Variants in NUP205 observed in about 807,000 individuals in gnomAD.
The protein encoded by NUP205 is nuclear pore complex protein Nup205.
A neutral mutation model predicts 253.8 loss-of-function variants in NUP205; 76 were observed. The observed-to-expected ratio is 0.30, with a 90% CI of 0.25 to 0.36. The LOEUF (loss-of-function observed/expected upper bound fraction) is 0.36, where lower values mean the gene tolerates loss of function less well. NUP205 is among the 10% of genes least tolerant of loss of function. The pLI is 1.00. For missense variants in NUP205, 2,162 were observed against 2,425.5 expected, an observed-to-expected ratio of 0.89 and a Z score of 2.28; for synonymous variants, 832 against 850.1, an observed-to-expected ratio of 0.98 and a Z score of 0.37.
At position 135,616,651 on chromosome 7, in the gene NUP205, A is replaced by G. The variant is rs753599099; in HGVS notation, c.3461-4A>G. 5.2e-6 allele frequency: 8 copies of G among 1,527,734 alleles called. No homozygotes were observed. The highest frequency in any genetic ancestry group is 6.2e-6 in the Non-Finnish European group (7 of 1,135,504). 94.6% of individuals were successfully genotyped at this position (1,527,734 alleles called of 1,614,324 possible). On this transcript the variant is annotated splice_region_variant and splice_polypyrimidine_tract_variant and intron_variant, in intron 24 of 42. Transcript: ENST00000285968. The stretch of plus-strand genomic sequence containing the variant: ...CTGATTCAATATTATTGATATTCCA[A>G]CAGATGGTGAAGGAGGAATAGAAGA...
chr7:135,644,768 A>G, intron 39 of NUP205, 127 bp from the exon 40 acceptor site: 1 of 885,318 alleles, frequency 1.1e-6, no homozygotes. Context: ...AAAAACTCTT[A>G]TCTGCAAGGA....
chr7:135,570,760 A>ATATTAATATAATATATAT (rs1469050428), intron 1 of NUP205, among the ~76,000 whole-genome samples: 3 of 89,820 alleles, frequency 3.3e-5, no homozygotes, highest in African/African-American at 1.3e-4. Flanking sequence ...TTATATTTAT[A>ATATTAATATAATATATAT]TATTATATTA....
intron 22 of NUP205, among the ~76,000 whole-genome samples, chr7:135,608,315 C>T (rs1033202333): frequency 1.1e-4 from 16 of 152,112 alleles, no homozygotes; most frequent in South Asian, 1.0e-3. Flanking sequence ...TGAGCCACCG[C>T]GCCTGGCCAG....
At chr7:135,564,387 C>T (rs887274525) in intron 1 of NUP205, among the ~76,000 whole-genome samples, 6 of 151,200 alleles carry the variant, frequency 4.0e-5, no homozygotes, top group East Asian at 2.0e-4. Context: ...ACTGGGATTA[C>T]AGGTGTTAGC....
In NUP205 at chr7:135,638,553, A is replaced by G; in HGVS notation, c.5266-4A>G. 1 of 1,611,746 alleles carries G rather than the reference A, an allele frequency of 6.2e-7. No individual in the cohort carries two copies. The highest frequency in any genetic ancestry group is 2.2e-5 in the East Asian group (1 of 44,860). On this transcript the variant is annotated splice_region_variant and splice_polypyrimidine_tract_variant and intron_variant, in intron 37 of 42. Transcript: ENST00000285968. ...ACATTTTTGTTACTGTTTTTTGATTATAGATTTGTGCCAATGTAATGGAAT... is the reference window on the plus strand; with the variant it reads ...ACATTTTTGTTACTGTTTTTTGATTGTAGATTTGTGCCAATGTAATGGAAT...
chr7:135,637,811 A>C, intron 36 of NUP205, 120 bp from the exon 37 acceptor site: 3 of 822,558 alleles, frequency 3.6e-6, no homozygotes, highest in East Asian at 3.0e-5. Context: ...GTTTTAAGTA[A>C]GATATTAGAT....
At chr7:135,601,626 G>C (rs1330454797) in intron 17 of NUP205, 119 bp downstream of exon 17, 1 of 1,078,850 alleles carries the variant, frequency 9.3e-7, no homozygotes, top group Non-Finnish European at 1.3e-6. Flanking sequence ...TTCTCTCTCT[G>C]TATCTGAAGT....
intron 23 of NUP205, 80 bp from the exon 24 acceptor site, chr7:135,615,836 C>A: frequency 1.2e-6 from 1 of 810,136 alleles, no homozygotes; most frequent in Non-Finnish European, 1.8e-6. Flanking sequence ...GGGAAAATAT[C>A]TGTTGAGTTA....
At chr7:135,577,757 G>C in intron 5 of NUP205, 39 bp from the exon 6 acceptor site, 1 of 1,478,778 alleles carries the variant, frequency 6.8e-7, no homozygotes, top group Non-Finnish European at 9.4e-7. Flanking sequence ...AGGCTTCACT[G>C]TAATTTATTT....
chr7:135,595,865 T>C (rs1052242488), intron 13 of NUP205, among the ~76,000 whole-genome samples: 5 of 152,170 alleles, frequency 3.3e-5, no homozygotes, highest in African/African-American at 1.2e-4. Flanking sequence ...GTGGGATATG[T>C]ATATCTGTCT....
intron 18 of NUP205, 90 bp downstream of exon 18, chr7:135,603,084 C>A: frequency 5.1e-6 from 4 of 786,224 alleles, no homozygotes; most frequent in Non-Finnish European, 7.7e-6. Context: ...TAGTGCATCA[C>A]CTTTTTTTTT....
At chr7:135,606,379 A>G (rs965590349) in intron 20 of NUP205, among the ~76,000 whole-genome samples, 153 bp downstream of exon 20, 14 of 152,244 alleles carry the variant, frequency 9.2e-5, no homozygotes, top group Non-Finnish European at 2.1e-4. Flanking sequence ...AAAATCCAAA[A>G]TAAAATCTGA....
chr7:135,603,026 T>A, intron 18 of NUP205, 32 bp downstream of exon 18: 1 of 1,501,336 alleles, frequency 6.7e-7, no homozygotes, highest in Non-Finnish European at 9.2e-7. Context: ...AGAAATGAAG[T>A]AAACAGATAG....
At chr7:135,610,583 T>TTA (rs879731862) in intron 22 of NUP205, among the ~76,000 whole-genome samples, 5,986 of 152,218 alleles carry the variant, frequency 0.039, 231 homozygotes, top group African/African-American at 0.099. Flanking sequence ...ATCAGCATTA[T>TTA]CTCCTAGGAG....
intron 17 of NUP205, among the ~76,000 whole-genome samples, chr7:135,602,443 C>T (rs1793986123): frequency 6.6e-6 from 1 of 152,200 alleles, no homozygotes; most frequent in South Asian, 2.1e-4. Flanking sequence ...GTTAGGACAA[C>T]TAGAAGTGTC....
chr7:135,606,404 C>T (rs1399917913), intron 20 of NUP205, among the ~76,000 whole-genome samples, 178 bp downstream of exon 20: 2 of 152,170 alleles, frequency 1.3e-5, no homozygotes, highest in Non-Finnish European at 2.9e-5. Context: ...TTTTGACCAC[C>T]ACCAACATGA....
chr7:135,620,012 T>G, intron 30 of NUP205, 124 bp downstream of exon 30: 1 of 663,166 alleles, frequency 1.5e-6, no homozygotes, highest in Non-Finnish European at 2.6e-6. Context: ...TAGTGTCATT[T>G]TTAAAGCATT....
chr7:135,625,623 A>C lies in NUP205; in HGVS notation c.4671+268A>C, dbSNP rs548990332. Among the ~76,000 whole-genome samples, 4 of 152,310 alleles carry C rather than the reference A, an allele frequency of 2.6e-5. No homozygotes were observed. The South Asian group carries it at 8.3e-4, about 32-fold the overall frequency. Reference sequence around the variant, plus strand: ...GCAATATGACAGCCAGTGCTCCGTGAGGACAGAGCAAAATTGTCCTCTCAC... The same window carrying C: ...GCAATATGACAGCCAGTGCTCCGTGCGGACAGAGCAAAATTGTCCTCTCAC... On this transcript the variant is annotated intron_variant, in intron 32 of 42. Coordinates refer to ENST00000285968, the MANE Select transcript of NUP205 (RefSeq NM_015135.3).
chr7:135,594,747 C>T lies in NUP205; in HGVS notation c.2013+18C>T. The stretch of plus-strand genomic sequence containing the variant: ...ACACTCAGGTAGGGCTCTGAAGTCC[C>T]TTATTTATATTATCCCAATGTGGAA... On this transcript the variant is annotated intron_variant, in intron 13 of 42. Transcript: ENST00000285968. 1 of 1,582,128 alleles carries T rather than the reference C, an allele frequency of 6.3e-7. No individual in the cohort carries two copies. Among genetic ancestry groups the T allele is most frequent in the South Asian group, 1.2e-5 (1 of 86,392 alleles).
Sources: gnomAD v4.1 joint callset for allele counts (sites outside exome capture counted in the v4.1 genomes callset) on GRCh38, gnomAD v4.1.1 for gene constraint, MANE v1.5 for transcripts, NCBI Gene and HGNC (gene_info 2026-07-23, HGNC 2026-07-21) for gene names.